TAAR5: variants seen among roughly 807,000 people sequenced by gnomAD.
TAAR5 encodes trace amine-associated receptor 5.
In TAAR5, 27 loss-of-function variants were observed where a neutral mutation model predicts 21.1. The ratio of observed to expected loss-of-function variants is 1.28; its 90% CI spans 0.94 to 1.76. The LOEUF is 1.76. Among genes scored for constraint, TAAR5 ranks in the 40% most tolerant of loss-of-function variants. The pLI is 0.00. For synonymous variants in TAAR5, 203 were observed against 167.5 expected (o/e 1.21, Z -1.64); for missense variants, 495 against 405.6 (o/e 1.22, Z -1.89).
upstream of TAAR5, among the ~76,000 whole-genome samples, chr6:132,591,008 GA>G (rs1437588822): frequency 6.6e-6 from 1 of 152,138 alleles, no homozygotes; most frequent in African/African-American, 2.4e-5. Flanking sequence ...TTCCACACAG[GA>G]TTCATCATTA....
the TAAR5 span, among the ~76,000 whole-genome samples, chr6:132,603,556 T>A: frequency 6.6e-6 from 1 of 151,648 alleles, no homozygotes; most frequent in Non-Finnish European, 1.5e-5. Context: ...TTGGAAATGA[T>A]CTTTATATAT....
chr6:132,593,878 A>G (rs1305817493), upstream of TAAR5, among the ~76,000 whole-genome samples: 1 of 152,168 alleles, frequency 6.6e-6, no homozygotes, highest in Non-Finnish European at 1.5e-5. Context: ...TTACAATTGG[A>G]AGTAACTACA....
chr6:132,614,949 C>T, the TAAR5 span, among the ~76,000 whole-genome samples: 49 of 152,172 alleles, frequency 3.2e-4, no homozygotes, highest in Middle Eastern at 3.4e-3. Flanking sequence ...CTGCAACCTC[C>T]GCGTCCTGGG....
chr6:132,616,333 A>G, the TAAR5 span, among the ~76,000 whole-genome samples: 1 of 152,222 alleles, frequency 6.6e-6, no homozygotes, highest in Non-Finnish European at 1.5e-5. Context: ...ATGTATAAAT[A>G]TCAAGCAAAA....
chr6:132,604,432 T>A, the TAAR5 span, among the ~76,000 whole-genome samples: 1 of 152,056 alleles, frequency 6.6e-6, no homozygotes, highest in Non-Finnish European at 1.5e-5. Context: ...CATGCGTCAC[T>A]GTGCCAGGCT....
chr6:132,613,381 C>T, the TAAR5 span, among the ~76,000 whole-genome samples: 6,628 of 152,274 alleles, frequency 0.044, 258 homozygotes, highest in African/African-American at 0.093. Context: ...TTCCTCCCTG[C>T]TTTTCCTCAT....
the TAAR5 span, among the ~76,000 whole-genome samples, chr6:132,613,008 C>G: frequency 6.6e-6 from 1 of 151,954 alleles, no homozygotes; most frequent in Non-Finnish European, 1.5e-5. Context: ...TGGGATGATT[C>G]TATAAGATGT....
upstream of TAAR5, among the ~76,000 whole-genome samples, chr6:132,592,412 G>A (rs1776918281): frequency 6.6e-6 from 1 of 152,232 alleles, no homozygotes; most frequent in Non-Finnish European, 1.5e-5. Context: ...TCTATAGCCT[G>A]TTGTCTATGG....
At chr6:132,609,029 T>G in the TAAR5 span, 138 of 455,688 alleles carry the variant, frequency 3.0e-4, 1 homozygote, top group South Asian at 2.1e-3. Context: ...TATGGCATAA[T>G]GACAAAACCC....
the TAAR5 span, among the ~76,000 whole-genome samples, chr6:132,606,559 A>G: frequency 6.6e-6 from 1 of 152,180 alleles, no homozygotes; most frequent in Non-Finnish European, 1.5e-5. Flanking sequence ...CAGCCTTTAG[A>G]CTGGATTATC....
chr6:132,614,293 T>C, the TAAR5 span, among the ~76,000 whole-genome samples: 1 of 152,230 alleles, frequency 6.6e-6, no homozygotes, highest in African/African-American at 2.4e-5. Flanking sequence ...GAATCATGTC[T>C]CGCATAGTTC....
At chr6:132,597,542 G>A in the TAAR5 span, among the ~76,000 whole-genome samples, 5 of 152,042 alleles carry the variant, frequency 3.3e-5, no homozygotes, top group South Asian at 2.1e-4. Context: ...TTGGAGATTC[G>A]CCTTCAGAAA....
At position 132,589,016 on chromosome 6, in the gene TAAR5, A is replaced by G. The variant is rs1379084981; in HGVS notation, c.671T>C (p.Val224Ala). 1 of 1,614,056 alleles carries G rather than the reference A, an allele frequency of 6.2e-7. No individual in the cohort carries two copies. The highest frequency in any genetic ancestry group is 2.2e-5 in the East Asian group (1 of 44,842). The change falls in exon 1 of 1, where the codon GTG becomes GCG. Residue 224 changes from valine to alanine, a missense_variant. By Grantham distance (64) the Val-to-Ala change is moderately conservative. Transcript: ENST00000258034. ...CTGCTGAGCCTGTCTGGTAGCAACC[A>G]CAAAGATCTTCACATACAAGCTGAT... Reference protein sequence around the residue: ...IMISLYVKIFVVATRQAQQIT... With the variant: ...IMISLYVKIFAVATRQAQQIT...
At chr6:132,599,988 A>C in the TAAR5 span, among the ~76,000 whole-genome samples, 3 of 152,238 alleles carry the variant, frequency 2.0e-5, no homozygotes, top group African/African-American at 7.2e-5. Context: ...AACAAACAAA[A>C]AATAAACCAA....
chr6:132,610,902 A>G, the TAAR5 span, among the ~76,000 whole-genome samples: 1 of 152,192 alleles, frequency 6.6e-6, no homozygotes. Flanking sequence ...AAGTCTGTGA[A>G]TCATTCGTAA....
the TAAR5 span, among the ~76,000 whole-genome samples, chr6:132,595,920 T>C: frequency 2.6e-5 from 4 of 152,224 alleles, no homozygotes; most frequent in Non-Finnish European, 5.9e-5. Context: ...TTTAACTTTA[T>C]GTGTGAGCAT....
upstream of TAAR5, among the ~76,000 whole-genome samples, chr6:132,594,202 A>G (rs1451428444): frequency 6.6e-6 from 1 of 152,144 alleles, no homozygotes; most frequent in East Asian, 1.9e-4. Flanking sequence ...TCTTTCCCCA[A>G]AGCCCAGAAA....
upstream of TAAR5, chr6:132,594,465 A>T (rs957480320): frequency 2.6e-5 from 4 of 152,220 alleles, no homozygotes; most frequent in Non-Finnish European, 5.9e-5. Flanking sequence ...ATCATCCTCA[A>T]TGCCTTGCGA....
the TAAR5 span, among the ~76,000 whole-genome samples, chr6:132,599,596 T>C: frequency 6.6e-6 from 1 of 152,276 alleles, no homozygotes. Flanking sequence ...CCCAAAGGGC[T>C]GGGATTACAG....
Sources: allele counts gnomAD v4.1 joint callset (sites outside exome capture counted in the v4.1 genomes callset), GRCh38; gene constraint gnomAD v4.1.1; transcripts MANE v1.5; gene names NCBI Gene and HGNC (gene_info 2026-07-23, HGNC 2026-07-21).